Variants in WNT2B observed in about 807,000 individuals in gnomAD.
WNT2B encodes the protein Wnt family member 2B.
WNT2B carries 19 observed loss-of-function variants against 40.5 expected under a neutral mutation model. The ratio of observed to expected loss-of-function variants is 0.47; its 90% confidence interval spans 0.33 to 0.69. The LOEUF (loss-of-function observed/expected upper bound fraction) is 0.69. WNT2B is among the 30% of genes least tolerant of loss of function. The pLI is 0.02. For synonymous variants in WNT2B, 220 were observed against 211.9 expected (o/e 1.04, Z -0.33); for missense variants, 467 against 556.4 (o/e 0.84, Z 1.62).
Position 112,509,372 on chromosome 1 carries a change from C to A in WNT2B, c.110C>A (p.Ala37Asp), listed in dbSNP as rs1366542179. 2.0e-5 allele frequency: 32 copies of A among 1,596,120 alleles called. No individual in the cohort carries two copies. Among genetic ancestry groups the A allele is most frequent in the Non-Finnish European group, 2.2e-5 (26 of 1,177,430 alleles). ...PAAPDGSRAS[A>D]RLGLACLLLL... Reference sequence around the variant, plus strand: ...GCCCCCGACGGCTCCCGGGCTTCGGCCCGCCTAGGTCTTGCCTGCCTTCTG... The same window carrying A: ...GCCCCCGACGGCTCCCGGGCTTCGGACCGCCTAGGTCTTGCCTGCCTTCTG... The change falls in exon 1 of 5, where the codon GCC (alanine) becomes GAC (aspartate). Residue 37 changes from alanine to aspartate, a missense_variant. This residue lies in a region of WNT2B where 137 missense variants were observed against 117.7 expected (regional missense o/e 1.16). Transcript: ENST00000369684. This position sits in a 1 kb window ranked among gnomAD's most constrained non-coding sequence, Gnocchi z 4.2.
At chr1:112,504,983 C>A (rs1032534964), upstream of WNT2B, among the ~76,000 whole-genome samples, 1 of 152,234 alleles carries the variant, frequency 6.6e-6, no homozygotes, top group African/African-American at 2.4e-5. Flanking sequence ...AGCAAAAATT[C>A]AAAATCATTC....
rs58232480 is a variant in WNT2B, at chr1:112,494,265, G to A, written c.-94-20609G>A. 3.2e-3 allele frequency among the ~76,000 whole-genome samples: 479 copies of A among 151,384 alleles called. 28 individuals carry two copies. Among genetic ancestry groups the A allele is most frequent in the African/African-American group, 0.011 (452 of 40,752 alleles). ...GCGGAGGTTGCAGTGAACAGAGATC[G>A]TGCCACTGCACTCTAGCCTGGGCAA... On this transcript the variant is annotated intron_variant, in intron 1 of 4. Transcript: ENST00000256640.
intron 1 of WNT2B, among the ~76,000 whole-genome samples, chr1:112,478,415 A>C (rs1445692032): frequency 6.6e-6 from 1 of 152,206 alleles, no homozygotes; most frequent in Non-Finnish European, 1.5e-5. Context: ...GGCATATTAT[A>C]ATCAAATTAC....
At chr1:112,473,709 C>T (rs774642112) in intron 1 of WNT2B, among the ~76,000 whole-genome samples, 1 of 151,144 alleles carries the variant, frequency 6.6e-6, no homozygotes, top group Non-Finnish European at 1.5e-5. Context: ...TTCACAGATA[C>T]AAAAAAAGCC....
chr1:112,485,030 T>A (rs1207928359), intron 1 of WNT2B, among the ~76,000 whole-genome samples: 2 of 152,216 alleles, frequency 1.3e-5, no homozygotes, highest in African/African-American at 2.4e-5. Context: ...TCCAACAGGC[T>A]TTTTTGTAGA....
intron 1 of WNT2B, among the ~76,000 whole-genome samples, chr1:112,498,061 G>A (rs1393670325): frequency 2.0e-5 from 3 of 151,854 alleles, no homozygotes; most frequent in South Asian, 2.1e-4. Flanking sequence ...TTGTCCTAAC[G>A]ATCTCTGTCC....
At chr1:112,517,542 C>T (rs1223675363) in intron 4 of WNT2B, among the ~76,000 whole-genome samples, 157 bp downstream of exon 4, 2 of 152,192 alleles carry the variant, frequency 1.3e-5, no homozygotes, top group Non-Finnish European at 2.9e-5. Context: ...GAGATTGTTG[C>T]AGTCCACCAG....
In WNT2B at chr1:112,523,769, CAT is replaced by C. The variant is rs1353018053; in HGVS notation, c.*3262_*3263del. Reference sequence around the variant, plus strand: ...GTGCTATTTAGATACAAACTTAAAACATACTATATATTTTAAGGATCTAAGAA... The same window carrying C: ...GTGCTATTTAGATACAAACTTAAAACACTATATATTTTAAGGATCTAAGAA... On this transcript the variant is annotated 3_prime_UTR_variant, in exon 5 of 5. Coordinates refer to ENST00000369684, the MANE Select transcript of WNT2B (RefSeq NM_024494.3). 2.0e-5 allele frequency: 3 copies of C among 151,974 alleles called. No individual in the cohort carries two copies. The highest frequency in any genetic ancestry group is 2.9e-5 in the Non-Finnish European group (2 of 68,006). The allele number at this position is 151,974 out of a possible 1,614,324, so 9.4% of individuals were successfully genotyped here. A position where few individuals can be genotyped will look rare whatever the true frequency, so the allele number is the denominator to read the frequency against.
chr1:112,472,774 G>C (rs1210569218), intron 1 of WNT2B, among the ~76,000 whole-genome samples: 1 of 151,934 alleles, frequency 6.6e-6, no homozygotes, highest in Admixed American at 6.6e-5. Context: ...TTCAGGGTGG[G>C]CAACATGGAG....
At chr1:112,499,513 C>T (rs1651882645) in intron 1 of WNT2B, among the ~76,000 whole-genome samples, 1 of 152,078 alleles carries the variant, frequency 6.6e-6, no homozygotes, top group Non-Finnish European at 1.5e-5. Context: ...ATTAATATAA[C>T]CTGTCACATT....
upstream of WNT2B, among the ~76,000 whole-genome samples, chr1:112,504,058 C>T (rs935927903): frequency 2.0e-5 from 3 of 151,998 alleles, no homozygotes; most frequent in African/African-American, 7.3e-5. Context: ...AGTGCTTAGC[C>T]TGTGTGATAC....
chr1:112,495,493 G>A lies in WNT2B; in HGVS notation c.-94-19381G>A, dbSNP rs1057257225. Among the ~76,000 whole-genome samples the A allele has an allele frequency of 1.8e-4, 28 of 152,012 alleles. 1 individual carries two copies. The highest frequency in any genetic ancestry group is 6.8e-4 in the African/African-American group (28 of 41,462). On this transcript the variant is annotated intron_variant, in intron 1 of 4. Transcript: ENST00000256640. Reference sequence around the variant, plus strand: ...AGTCCCAGCTACTAGGGAGGCTGAGGCAGGAGAATGGCGTGAACCCAGAAG... The same window carrying A: ...AGTCCCAGCTACTAGGGAGGCTGAGACAGGAGAATGGCGTGAACCCAGAAG...
rs1652511939 is a variant in WNT2B at position 112,515,849 on chromosome 1, CTT to C, written c.404-288_404-287del. On this transcript the variant is annotated intron_variant, in intron 2 of 4. Transcript: ENST00000369684. The surrounding 1 kb of genome is among the most constrained non-coding windows in gnomAD (Gnocchi z 4.4). ...TGGGAGGGGATGATTCACCAGGAGACTTTTCAATGGATGGACACAGGGAATTT... is the reference window on the plus strand; with the variant it reads ...TGGGAGGGGATGATTCACCAGGAGACTTCAATGGATGGACACAGGGAATTT... Among the ~76,000 whole-genome samples, 7 of 152,266 alleles carry C rather than the reference CTT, an allele frequency of 4.6e-5. No homozygotes were observed. In the South Asian group the frequency reaches 1.2e-3, roughly 27 times the overall value.
At chr1:112,483,793 GAA>G (rs1460291347) in intron 1 of WNT2B, among the ~76,000 whole-genome samples, 268 of 132,364 alleles carry the variant, frequency 2.0e-3, no homozygotes, top group African/African-American at 8.3e-3. Context: ...AAAAAAAAAA[GAA>G]AGAGAGAATA....
At chr1:112,504,343 G>A (rs140438787), upstream of WNT2B, among the ~76,000 whole-genome samples, 646 of 152,098 alleles carry the variant, frequency 4.2e-3, 1 homozygote, top group South Asian at 0.018. Flanking sequence ...AGTCCTCAGG[G>A]GAGCAGTTTG....
At chr1:112,501,281 T>C (rs924726025) in intron 1 of WNT2B, among the ~76,000 whole-genome samples, 6 of 152,240 alleles carry the variant, frequency 3.9e-5, no homozygotes, top group African/African-American at 1.4e-4. Flanking sequence ...GACACTGGTA[T>C]GTTGACCTTG....
chr1:112,490,865 A>G (rs1651580301), intron 1 of WNT2B: 1 of 701,864 alleles, frequency 1.4e-6, no homozygotes, highest in Non-Finnish European at 2.4e-6. Flanking sequence ...ATCAAGGTCT[A>G]GGCCAAAATT....
At position 112,525,891 on chromosome 1, in the gene WNT2B, A is replaced by C; in HGVS notation, c.*5382A>C. ...TTCATAAGAAGCTTTTTCATATGCA[A>C]AATGCTTTAGCATATATGTAATCCT... On this transcript the variant is annotated 3_prime_UTR_variant, in exon 5 of 5. Transcript: ENST00000369684. 7.4e-7 allele frequency: 1 copy of C among 1,357,348 alleles called. No homozygotes were observed. The highest frequency in any genetic ancestry group is 9.8e-7 in the Non-Finnish European group (1 of 1,021,758). 84.1% of individuals were successfully genotyped at this position (1,357,348 alleles called of 1,614,324 possible).
intron 1 of WNT2B, among the ~76,000 whole-genome samples, chr1:112,470,058 C>A (rs1444934487): frequency 6.6e-6 from 1 of 152,160 alleles, no homozygotes; most frequent in African/African-American, 2.4e-5. Context: ...TTTCTGTGTA[C>A]TTCCTATTAC....
Sources: gnomAD v4.1 joint callset for allele counts (sites outside exome capture counted in the v4.1 genomes callset) on GRCh38, gnomAD v4.1.1 for gene constraint, gnomAD v4.1.1 regional missense constraint, Gnocchi (gnomAD v3.1) non-coding constraint, MANE v1.5 for transcripts, NCBI Gene and HGNC (gene_info 2026-07-23, HGNC 2026-07-21) for gene names.